Variants in CACNA1H observed in about 807,000 individuals in gnomAD.
The protein encoded by CACNA1H is voltage-dependent T-type calcium channel subunit alpha-1H.
A neutral mutation model predicts 192.5 loss-of-function variants in CACNA1H; 149 were observed. The observed-to-expected ratio is 0.77, with a 90% CI of 0.68 to 0.89. The LOEUF (loss-of-function observed/expected upper bound fraction) is 0.89. CACNA1H is among the 40% of genes least tolerant of loss of function. The pLI is 0.00. For missense variants in CACNA1H, 4,257 were observed against 3,423.5 expected, an observed-to-expected ratio of 1.24 and a Z score of -6.08; for synonymous variants, 2,202 against 1,475.2, an observed-to-expected ratio of 1.49 and a Z score of -11.29.
At chr16:1,213,308 C>T (rs776120512) in intron 26 of CACNA1H, among the ~76,000 whole-genome samples, 3 of 152,314 alleles carry the variant, frequency 2.0e-5, no homozygotes, top group Non-Finnish European at 4.4e-5. Context: ...AGCCCTTCAT[C>T]AGTGTCTCAG....
chr16:1,220,444 G>T lies in CACNA1H; in HGVS notation c.6512G>T (p.Trp2171Leu). ...GGGGAGCCTGGGGAGGCGAAGGCCT[G>T]GGGCCCTGAGGCCGAGCCCGCTCTG... ...GSGEPGEAKA[W>L]GPEAEPALGA... is the part of the protein sequence containing the mutation. Residue 2171 changes from tryptophan to leucine, a missense_variant, in exon 35 of 35, where the codon TGG becomes TTG. Transcript: ENST00000348261. 1 of 1,540,012 alleles carries T rather than the reference G, an allele frequency of 6.5e-7. No individual in the cohort carries two copies. Among genetic ancestry groups the T allele is most frequent in the Non-Finnish European group, 8.7e-7 (1 of 1,152,162 alleles).
At position 1,209,369 on chromosome 16, in the gene CACNA1H, G is replaced by C; in HGVS notation, c.3701G>C (p.Ser1234Thr). 6.3e-7 allele frequency: 1 copy of C among 1,597,994 alleles called. No individual in the cohort carries two copies. Among genetic ancestry groups the C allele is most frequent in the Non-Finnish European group, 8.5e-7 (1 of 1,179,566 alleles). Residue 1234 changes from serine to threonine, a missense_variant, in exon 17 of 35, where the codon AGC becomes ACC. Coordinates refer to ENST00000348261, the MANE Select transcript of CACNA1H (RefSeq NM_021098.3). ...LPSDFFLRID[S>T]HREDAAELDD... ...AGCGACTTCTTCCTGCGCATCGACA[G>C]CCACCGTGAGGATGCAGCCGAGCTT...
At chr16:1,185,507 C>CCA (rs1965905087) in intron 2 of CACNA1H, among the ~76,000 whole-genome samples, 1 of 138,870 alleles carries the variant, frequency 7.2e-6, no homozygotes, top group African/African-American at 2.9e-5. Flanking sequence ...AGAGTCCCCC[C>CCA]CCCCGCCGAG....
chr16:1,176,600 C>A (rs938302648), intron 2 of CACNA1H, among the ~76,000 whole-genome samples: 2 of 152,170 alleles, frequency 1.3e-5, no homozygotes, highest in African/African-American at 4.8e-5. Context: ...CTCAGGTGAC[C>A]CCCCAACCAA....
rs958905910 is a variant in CACNA1H at position 1,155,349 on chromosome 16, C to A, written c.299+1313C>A. ...CGAGTAGGTGGGTGTCCCCGGGAGC[C>A]GAGGTGCAGGCCCGGCCTTGAAGAG... On this transcript the variant is annotated intron_variant, in intron 2 of 34. Coordinates refer to ENST00000348261, the MANE Select transcript of CACNA1H (RefSeq NM_021098.3). Among the ~76,000 whole-genome samples, 5 of 152,160 alleles carry A rather than the reference C, an allele frequency of 3.3e-5. No individual in the cohort carries two copies. The South Asian group carries it at 6.2e-4, about 19-fold the overall frequency.
chr16:1,218,696 CAG>C, intron 33 of CACNA1H, 45 bp downstream of exon 33: 5 of 1,453,816 alleles, frequency 3.4e-6, no homozygotes, highest in Non-Finnish European at 4.6e-6. Flanking sequence ...GGAAGCAGGA[CAG>C]GGAGGAAGAT....
intron 2 of CACNA1H, among the ~76,000 whole-genome samples, chr16:1,182,828 C>T (rs530324144): frequency 1.6e-4 from 24 of 152,230 alleles, no homozygotes; most frequent in Admixed American, 7.2e-4. Flanking sequence ...GTTGCCCAGA[C>T]CCTCTGTTCC....
intron 2 of CACNA1H, among the ~76,000 whole-genome samples, chr16:1,177,258 G>A (rs1964980036): frequency 6.6e-6 from 1 of 152,186 alleles, no homozygotes; most frequent in Admixed American, 6.5e-5. Flanking sequence ...CCTCTCCCAG[G>A]GCCGATCCCC....
chr16:1,206,086 G>T lies in CACNA1H; in HGVS notation c.2604-18G>T, dbSNP rs139666228. ...AGGGATCGTGGCCCCGCTGACCCTC[G>T]CCCCCACCTGTCCGCAGCGTCTGGG... On this transcript the variant is annotated intron_variant, in intron 11 of 34. Transcript: ENST00000348261. 1.3e-6 allele frequency: 2 copies of T among 1,551,300 alleles called. No individual in the cohort carries two copies. Among genetic ancestry groups the T allele is most frequent in the East Asian group, 2.4e-5 (1 of 41,876 alleles).
At position 1,211,295 on chromosome 16, in the gene CACNA1H, G is replaced by C. The variant is rs1319220997; in HGVS notation, c.4350+1G>C. On this transcript the variant is annotated splice_donor_variant, in intron 22 of 34. Coordinates refer to ENST00000348261, the MANE Select transcript of CACNA1H (RefSeq NM_021098.3). LOFTEE classifies it high-confidence loss of function. ...CATTTTTGGCATTTTGGGTGTGCAG[G>C]TGTGTGGCCCCCACGTGCCCGGGGG... 7 of 1,612,870 alleles carry C rather than the reference G, an allele frequency of 4.3e-6. No individual in the cohort carries two copies. The highest frequency in any genetic ancestry group is 1.3e-5 in the African/African-American group (1 of 75,048).
intron 9 of CACNA1H, among the ~76,000 whole-genome samples, chr16:1,203,369 G>C (rs764833876): frequency 1.1e-4 from 17 of 151,900 alleles, no homozygotes; most frequent in Non-Finnish European, 2.5e-4. Context: ...CCTGTGTGCT[G>C]TGGCTGCTGG....
intron 2 of CACNA1H, among the ~76,000 whole-genome samples, chr16:1,164,596 G>A (rs948907147): frequency 1.3e-5 from 2 of 152,242 alleles, no homozygotes; most frequent in Non-Finnish European, 2.9e-5. Context: ...TTTGGACCCC[G>A]GGCGGTGCCG....
intron 16 of CACNA1H, 99 bp from the exon 17 acceptor site, chr16:1,208,933 A>G: frequency 8.0e-7 from 1 of 1,254,216 alleles, no homozygotes; most frequent in Non-Finnish European, 1.0e-6. Flanking sequence ...TATGCATTAA[A>G]TGATCCACGT....
At chr16:1,168,769 G>A (rs546450313) in intron 2 of CACNA1H, among the ~76,000 whole-genome samples, 16 of 152,058 alleles carry the variant, frequency 1.1e-4, no homozygotes, top group Non-Finnish European at 2.2e-4. Flanking sequence ...GGATCATGGC[G>A]CCCCCCAGCC....
chr16:1,200,930 G>A (rs962818539), intron 8 of CACNA1H, 122 bp downstream of exon 8: 2 of 763,286 alleles, frequency 2.6e-6, no homozygotes, highest in African/African-American at 1.7e-5. Context: ...GAGCACACAG[G>A]GGAGGGAGGC....
chr16:1,220,995 C>A lies in CACNA1H; in HGVS notation c.*1C>A. The A allele has an allele frequency of 6.4e-7, 1 of 1,566,322 alleles. No individual in the cohort carries two copies. The highest frequency in any genetic ancestry group is 8.6e-7 in the Non-Finnish European group (1 of 1,159,032). Reference sequence around the variant, plus strand: ...GGGTGGTGCAGATGACCCCGTGTAGCTCGGGGCTTGGTGCCGCCCACGGCT... The same window carrying A: ...GGGTGGTGCAGATGACCCCGTGTAGATCGGGGCTTGGTGCCGCCCACGGCT... On this transcript the variant is annotated 3_prime_UTR_variant, in exon 35 of 35. Transcript: ENST00000348261.
At position 1,213,919 on chromosome 16, in the gene CACNA1H, T is replaced by C. The variant is rs1969756164; in HGVS notation, c.4917T>C (p.Tyr1639=). 3.7e-6 allele frequency: 6 copies of C among 1,610,820 alleles called. No homozygotes were observed. Among genetic ancestry groups the C allele is most frequent in the Admixed American group, 1.7e-5 (1 of 59,788 alleles). The change falls in exon 27 of 35, where the codon TAT becomes TAC. Residue 1639 remains tyrosine (Y), a synonymous_variant. Transcript: ENST00000348261. Reference sequence around the variant, plus strand: ...TCATCACCATGTCCATGGAGCACTATAACCAACCCAAGGTGGGTGCGAGGG... The same window carrying C: ...TCATCACCATGTCCATGGAGCACTACAACCAACCCAAGGTGGGTGCGAGGG... ...VNVITMSMEH[Y]NQPKSLDEAL...
chr16:1,188,519 G>C (rs2151797209), intron 2 of CACNA1H, among the ~76,000 whole-genome samples: 1 of 152,024 alleles, frequency 6.6e-6, no homozygotes, highest in South Asian at 2.1e-4. Context: ...CAGCTGCCAG[G>C]GTTCCCGCCA....
At chr16:1,156,971 C>T (rs1481493189) in intron 2 of CACNA1H, 1 of 152,220 alleles carries the variant, frequency 6.6e-6, no homozygotes, top group Admixed American at 6.5e-5. Flanking sequence ...TGTCTTAGAA[C>T]TTTTGGGGCG....
Sources: gnomAD v4.1 joint callset for allele counts (sites outside exome capture counted in the v4.1 genomes callset) on GRCh38, gnomAD v4.1.1 for gene constraint, MANE v1.5 for transcripts, NCBI Gene and HGNC (gene_info 2026-07-23, HGNC 2026-07-21) for gene names.